Variants in TNS1 observed in about 807,000 individuals in gnomAD.
TNS1 encodes the protein tensin 1, also known as tensin-1.
A neutral mutation model predicts 168.6 loss-of-function variants in TNS1; 62 were observed. The observed-to-expected ratio is 0.37, with a 90% CI of 0.30 to 0.45. The LOEUF is 0.45. Among genes scored for constraint, TNS1 ranks in the 20% least tolerant of loss-of-function variants. The pLI is 1.00. For missense variants in TNS1, 2,240 were observed against 2,339.4 expected (o/e 0.96, Z 0.88); for synonymous variants, 934 against 933.2 (o/e 1.00, Z -0.02).
In TNS1 at chr2:217,929,789, A is replaced by G. The variant is rs193222065; in HGVS notation, c.187-9553T>C. 3.8e-3 allele frequency among the ~76,000 whole-genome samples: 574 copies of G among 151,176 alleles called. 5 individuals are homozygous for G. The highest frequency in any genetic ancestry group is 0.013 in the African/African-American group (516 of 41,100). ...CTTTCCCCTCCCTTCCACCAAGCCT[A>G]GGCAACTCCTCCTCCTAAATACCTC... On this transcript the variant is annotated intron_variant, in intron 3 of 32. Coordinates refer to ENST00000682258, the MANE Select transcript of TNS1 (RefSeq NM_001387777.1).
chr2:217,811,959 C>A (rs1940994070), intron 28 of TNS1, among the ~76,000 whole-genome samples: 1 of 152,200 alleles, frequency 6.6e-6, no homozygotes, highest in South Asian at 2.1e-4. Flanking sequence ...TGAGGCTGCT[C>A]TCTCCTCTCC....
At chr2:218,006,700 C>A (rs1391733771), upstream of TNS1, among the ~76,000 whole-genome samples, 1 of 152,192 alleles carries the variant, frequency 6.6e-6, no homozygotes. Context: ...TTCCCCACTA[C>A]AGCATGCAGC....
chr2:217,862,112 A>T (rs549629261), intron 18 of TNS1, among the ~76,000 whole-genome samples: 4 of 152,318 alleles, frequency 2.6e-5, no homozygotes, highest in South Asian at 2.1e-4. Context: ...CCACCTGCAG[A>T]GATGAATTCA....
intron 16 of TNS1, among the ~76,000 whole-genome samples, chr2:217,883,511 C>T (rs1189695291): frequency 6.6e-6 from 1 of 152,048 alleles, no homozygotes; most frequent in African/African-American, 2.4e-5. Flanking sequence ...GCAATCCTCC[C>T]GCCTTGGCCT....
chr2:217,885,601 T>C (rs760403352), intron 15 of TNS1, 143 bp downstream of exon 15: 1 of 786,234 alleles, frequency 1.3e-6, no homozygotes, highest in Non-Finnish European at 2.1e-6. Context: ...TGGAAGGTCT[T>C]CCAAGAGCCC....
intron 22 of TNS1, among the ~76,000 whole-genome samples, chr2:217,825,310 C>G (rs1272910682): frequency 1.3e-5 from 2 of 152,104 alleles, no homozygotes; most frequent in Non-Finnish European, 1.5e-5. Context: ...GGCTACATCC[C>G]CTACCCACCT....
chr2:217,975,906 C>T (rs1381441853), intron 3 of TNS1, among the ~76,000 whole-genome samples: 1 of 152,180 alleles, frequency 6.6e-6, no homozygotes, highest in East Asian at 1.9e-4. Flanking sequence ...CTGGTGCCTG[C>T]TCAAGGCCAG....
At chr2:217,964,316 G>C (rs1479555195) in intron 3 of TNS1, among the ~76,000 whole-genome samples, 1 of 152,192 alleles carries the variant, frequency 6.6e-6, no homozygotes, top group Non-Finnish European at 1.5e-5. Flanking sequence ...TACAGATCAA[G>C]AACTCAAGTC....
intron 18 of TNS1, among the ~76,000 whole-genome samples, chr2:217,871,707 C>G (rs1446977638): frequency 6.6e-6 from 1 of 152,288 alleles, no homozygotes; most frequent in Non-Finnish European, 1.5e-5. Flanking sequence ...ATCTCTCACT[C>G]TCAAACCTGG....
At chr2:217,895,185 A>G (rs1952157650) in intron 8 of TNS1, 129 bp from the exon 9 acceptor site, 1 of 900,562 alleles carries the variant, frequency 1.1e-6, no homozygotes, top group South Asian at 1.5e-5. Flanking sequence ...TGAAGAGCCC[A>G]CGACAGCATC....
chr2:217,978,920 A>C, intron 2 of TNS1, 118 bp from the exon 3 acceptor site: 1 of 667,884 alleles, frequency 1.5e-6, no homozygotes, highest in East Asian at 2.8e-5. Flanking sequence ...GGAGGGAAGG[A>C]GGGACGGAGG....
upstream of TNS1, among the ~76,000 whole-genome samples, chr2:218,011,488 GC>G (rs1958705887): frequency 6.6e-6 from 1 of 152,156 alleles, no homozygotes; most frequent in Non-Finnish European, 1.5e-5. Flanking sequence ...CGCAGCAAGC[GC>G]CACTGGAGCC....
intron 18 of TNS1, among the ~76,000 whole-genome samples, chr2:217,869,438 A>G (rs1166012832): frequency 6.6e-6 from 1 of 152,206 alleles, no homozygotes; most frequent in Non-Finnish European, 1.5e-5. Flanking sequence ...GGAGGGTTAG[A>G]TGCTGCTGTG....
rs975802527 is a variant in TNS1 at position 218,033,123 on chromosome 2, G to A, written c.156+697C>T. ...AGAAGACCCACCAACAGCGAGTCCT[G>A]AGGTCACAGGGACCTAGAGAGGAGT... is the stretch of plus-strand genomic sequence containing the variant. On this transcript the variant is annotated intron_variant, in intron 1 of 1. Coordinates refer to the TNS1 transcript ENST00000649572. The surrounding 1 kb of genome is among the most constrained non-coding windows in gnomAD (Gnocchi z 4.3). Among the ~76,000 whole-genome samples, 5 of 152,138 alleles carry A rather than the reference G, an allele frequency of 3.3e-5. No homozygotes were observed. Among genetic ancestry groups the A allele is most frequent in the African/African-American group, 1.2e-4 (5 of 41,418 alleles).
At chr2:217,922,995 C>T (rs1443617186) in intron 3 of TNS1, among the ~76,000 whole-genome samples, 1 of 152,182 alleles carries the variant, frequency 6.6e-6, no homozygotes, top group East Asian at 1.9e-4. Context: ...TCTCCGGCAC[C>T]CTGGCCCCTG....
At chr2:217,932,117 C>A (rs1956356344) in intron 3 of TNS1, among the ~76,000 whole-genome samples, 4 of 152,180 alleles carry the variant, frequency 2.6e-5, no homozygotes. Context: ...GACAGCTGTG[C>A]ACTAAACCCA....
At chr2:217,947,276 A>T (rs1957134521) in intron 3 of TNS1, among the ~76,000 whole-genome samples, 1 of 151,784 alleles carries the variant, frequency 6.6e-6, no homozygotes, top group Non-Finnish European at 1.5e-5. Flanking sequence ...TTGGAGCCCG[A>T]TGGAACTTGG....
chr2:218,008,901 T>A (rs560075027), intron 1 of TNS1, among the ~76,000 whole-genome samples: 1 of 152,184 alleles, frequency 6.6e-6, no homozygotes, highest in Admixed American at 6.5e-5. Context: ...GTTTTTTTTT[T>A]AATCAAACAC....
intron 3 of TNS1, among the ~76,000 whole-genome samples, chr2:217,954,038 G>C (rs1237282425): frequency 1.3e-5 from 2 of 152,230 alleles, no homozygotes; most frequent in African/African-American, 4.8e-5. Context: ...GATCCTGTAA[G>C]AAGATTCAAA....
Sources: allele counts gnomAD v4.1 joint callset (sites outside exome capture counted in the v4.1 genomes callset), GRCh38; gene constraint gnomAD v4.1.1; non-coding constraint Gnocchi (gnomAD v3.1); transcripts MANE v1.5; gene names NCBI Gene and HGNC (gene_info 2026-07-23, HGNC 2026-07-21).